The following ZNF318 variants were observed in gnomAD, a reference collection of about 807,000 sequenced individuals.
The protein encoded by ZNF318 is endocrine regulator.
Under a neutral mutation model 124.2 loss-of-function variants are expected in ZNF318, and 51 were observed. That is an observed-to-expected ratio of 0.41 (90% CI 0.33 to 0.52). The LOEUF (loss-of-function observed/expected upper bound fraction) is 0.52. Among genes scored for constraint, ZNF318 ranks in the 20% least tolerant of loss-of-function variants. ZNF318 has a pLI of 0.23. For synonymous variants in ZNF318, 1,090 were observed against 1,040.7 expected (o/e 1.05, Z -0.91); for missense variants, 2,815 against 2,811.2 (o/e 1.00, Z -0.03).
chr6:43,346,781 A>G (rs1409053844), intron 6 of ZNF318, among the ~76,000 whole-genome samples: 1 of 152,174 alleles, frequency 6.6e-6, no homozygotes, highest in Non-Finnish European at 1.5e-5. Flanking sequence ...AGAGAGGTGT[A>G]ATACCAGATA....
chr6:43,348,060 G>A (rs1226531431), intron 6 of ZNF318, among the ~76,000 whole-genome samples: 1 of 152,204 alleles, frequency 6.6e-6, no homozygotes, highest in East Asian at 1.9e-4. Context: ...GAGAAGATCA[G>A]AAGCCAGATA....
At chr6:43,367,919 G>C (rs939406601) in intron 1 of ZNF318, among the ~76,000 whole-genome samples, 8 of 152,190 alleles carry the variant, frequency 5.3e-5, no homozygotes, top group African/African-American at 1.7e-4. Flanking sequence ...CAGCTACTTG[G>C]GAGGCTGAGG....
intron 1 of ZNF318, 100 bp from the exon 2 acceptor site, chr6:43,365,540 C>G: frequency 8.0e-7 from 1 of 1,248,140 alleles, no homozygotes; most frequent in South Asian, 1.4e-5. Context: ...GGCATGGTGG[C>G]TCATGCCTGT....
chr6:43,340,558 T>C, intron 9 of ZNF318, 56 bp from the exon 10 acceptor site: 1 of 1,519,078 alleles, frequency 6.6e-7, no homozygotes, highest in Non-Finnish European at 8.8e-7. Context: ...GAGAAAAAAA[T>C]CTTGGCCCCG....
intron 6 of ZNF318, among the ~76,000 whole-genome samples, chr6:43,343,728 T>C (rs1052125529): frequency 2.7e-5 from 4 of 147,194 alleles, no homozygotes; most frequent in Admixed American, 1.4e-4. Flanking sequence ...ACTCGGGAGG[T>C]TGAGGCACGA....
In ZNF318 at chr6:43,342,860, T is replaced by G. The variant is rs775483867; in HGVS notation, c.3092A>C (p.Glu1031Ala). 1.3e-5 allele frequency: 21 copies of G among 1,612,156 alleles called. No individual in the cohort carries two copies. Among genetic ancestry groups the G allele is most frequent in the Non-Finnish European group, 1.8e-5 (21 of 1,178,538 alleles). Residue 1031 changes from glutamate (E) to alanine (A), a missense_variant, in exon 7 of 10, where the codon GAG becomes GCG. Transcript: ENST00000361428. The part of the protein sequence containing the change: ...SSNKESKVNN[E>A]KFRTKSPKPA... ...CTTGGGGCTCTTAGTACGAAACTTC[T>G]CATTGTTTACTTTTGATTCCTAGAG... is the stretch of plus-strand genomic sequence containing the variant.
At chr6:43,350,083 C>G (rs748262964) in intron 5 of ZNF318, among the ~76,000 whole-genome samples, 2 of 152,104 alleles carry the variant, frequency 1.3e-5, no homozygotes, top group Non-Finnish European at 2.9e-5. Context: ...AACCCCGTCT[C>G]TACTAAAAAT....
At chr6:43,364,243 C>A in intron 2 of ZNF318, 1 of 625,724 alleles carries the variant, frequency 1.6e-6, no homozygotes, top group Non-Finnish European at 2.8e-6. Flanking sequence ...TCAAGACACA[C>A]ACCAGAGTCT....
In ZNF318 at chr6:43,368,736, T is replaced by TA. The variant is rs777730561; in HGVS notation, c.399+230dup. 36 of 985,352 alleles carry TA rather than the reference T, an allele frequency of 3.7e-5. 1 individual carries two copies. The Admixed American group carries it at 2.0e-3, about 54-fold the overall frequency. The allele number at this position is 985,352 out of a possible 1,614,324, so 61.0% of individuals were successfully genotyped here. On this transcript the variant is annotated intron_variant, in intron 1 of 9. Transcript: ENST00000361428. ...CGGCATGAGAGAAACAGCCTATTCC[T>TA]AAGGAACGGAGCGCGCACTCCCGAC...
chr6:43,337,783 G>A lies in ZNF318; in HGVS notation c.6215C>T (p.Pro2072Leu), dbSNP rs779707460. 1.8e-5 allele frequency: 29 copies of A among 1,614,018 alleles called. No homozygotes were observed. The highest frequency in any genetic ancestry group is 8.0e-5 in the African/African-American group (6 of 74,898). Residue 2072 changes from proline to leucine, a missense_variant, in exon 10 of 10, where the codon CCG becomes CTG. Pro to Leu is a moderately conservative substitution (Grantham distance 98). Transcript: ENST00000361428. ...CACCAAGGTTTTGGGAGAATCTAAC[G>A]GAAACCCAGAAAAAGATGGGATTGG... ...FEPIPSFSGF[P>L]LDSPKTLVLD... is the part of the protein sequence containing the mutation.
chr6:43,356,302 T>C (rs535672462), intron 3 of ZNF318, among the ~76,000 whole-genome samples, 157 bp from the exon 4 acceptor site: 1 of 152,322 alleles, frequency 6.6e-6, no homozygotes, highest in South Asian at 2.1e-4. Context: ...ATTCAAAATG[T>C]GAATCCCCTT....
At chr6:43,340,669 C>T (rs1779362560) in intron 9 of ZNF318, 121 bp downstream of exon 9, 1 of 1,513,156 alleles carries the variant, frequency 6.6e-7, no homozygotes, top group Non-Finnish European at 9.0e-7. Flanking sequence ...TTGAGGAGAA[C>T]TTAGAGGTTA....
chr6:43,350,231 CAG>C (rs976523736), intron 5 of ZNF318, among the ~76,000 whole-genome samples: 3 of 151,918 alleles, frequency 2.0e-5, no homozygotes, highest in African/African-American at 4.8e-5. Context: ...GCCTGGGCAA[CAG>C]AGCGAGGCTC....
chr6:43,363,857 C>G lies in ZNF318; in HGVS notation c.548+1435G>C, dbSNP rs568889714. 3.3e-4 allele frequency: 279 copies of G among 841,442 alleles called. 4 individuals are homozygous for G. In the South Asian group the frequency reaches 4.1e-3, roughly 12 times the overall value. The allele number at this position is 841,442 out of a possible 1,614,324, so 52.1% of individuals were successfully genotyped here. A position where few individuals can be genotyped will look rare whatever the true frequency, so the allele number is the denominator to read the frequency against. On this transcript the variant is annotated intron_variant, in intron 2 of 9. Transcript: ENST00000361428. The stretch of plus-strand genomic sequence containing the variant: ...GGTGTTAAGTGCTCCAAGGAGGTGG[C>G]CACTGCCACCTGCGGGGCCATCATC...
intron 7 of ZNF318, 80 bp from the exon 8 acceptor site, chr6:43,342,291 A>C: frequency 1.7e-6 from 2 of 1,181,490 alleles, no homozygotes; most frequent in Non-Finnish European, 2.4e-6. Flanking sequence ...TTCCCCCATA[A>C]TAAGACCAGG....
At chr6:43,368,883 G>A (rs1779796204) in intron 1 of ZNF318, 84 bp downstream of exon 1, 1 of 1,258,386 alleles carries the variant, frequency 7.9e-7, no homozygotes, top group Admixed American at 4.1e-5. Context: ...CCCTGGTCTG[G>A]AGGCCCCGGG....
chr6:43,368,920 G>A (rs1006154100), intron 1 of ZNF318, 47 bp downstream of exon 1: 6 of 1,310,654 alleles, frequency 4.6e-6, no homozygotes, highest in Non-Finnish European at 2.9e-6. Context: ...AATTCCGGGG[G>A]AGGGGACTGG....
chr6:43,357,232 G>A lies in ZNF318; in HGVS notation c.1082C>T (p.Ser361Leu), dbSNP rs1779621338. The A allele has an allele frequency of 8.1e-6, 13 of 1,614,118 alleles. No homozygotes were observed. Among genetic ancestry groups the A allele is most frequent in the South Asian group, 1.1e-5 (1 of 91,078 alleles). Residue 361 changes from serine (S) to leucine (L), a missense_variant, in exon 3 of 10, where the codon TCG becomes TTG. Physicochemically the swap from Ser to Leu is moderately radical, Grantham distance 145 (BLOSUM62 -2). Around this residue, in one of 4 missense-constraint regions of ZNF318, gnomAD observed 1,377 missense variants for 1,353.5 expected, o/e 1.02. Coordinates refer to ENST00000361428, the MANE Select transcript of ZNF318 (RefSeq NM_014345.3). ...CCGATGCAAAGAATATCCTGGCTCC[G>A]ATGCTGTTAGGACACCTGACAATCC... The part of the protein sequence containing the change: ...IPGLSGVLTA[S>L]EPGYSLHRPE...
chr6:43,337,024 A>C lies in ZNF318; in HGVS notation c.*134T>G. The stretch of plus-strand genomic sequence containing the variant: ...GAGGTAAATTTTTTAGCTTCCATGA[A>C]CATTTACTTTAAGATGCTGACTGCA... On this transcript the variant is annotated 3_prime_UTR_variant, in exon 10 of 10. Transcript: ENST00000361428. 2.4e-6 allele frequency: 2 copies of C among 821,766 alleles called. No homozygotes were observed. Among genetic ancestry groups the C allele is most frequent in the Non-Finnish European group, 3.4e-6 (2 of 581,018 alleles). 50.9% of individuals were successfully genotyped at this position (821,766 alleles called of 1,614,324 possible).
Sources: allele counts gnomAD v4.1 joint callset (sites outside exome capture counted in the v4.1 genomes callset), GRCh38; gene constraint gnomAD v4.1.1; regional missense constraint gnomAD v4.1.1; transcripts MANE v1.5; gene names NCBI Gene and HGNC (gene_info 2026-07-23, HGNC 2026-07-21).